The following LRRTM4 variants were observed in gnomAD, a reference collection of about 807,000 sequenced individuals.
The protein encoded by LRRTM4 is leucine-rich repeat transmembrane neuronal protein 4.
In LRRTM4, 25 loss-of-function variants were observed where a neutral mutation model predicts 47.6. The ratio of observed to expected loss-of-function variants is 0.53; its 90% CI spans 0.38 to 0.73. The LOEUF (loss-of-function observed/expected upper bound fraction) is 0.73. Ranked by LOEUF, LRRTM4 falls within the 30% of genes least tolerant of loss-of-function variation. The pLI is 0.00. For synonymous variants in LRRTM4, 311 were observed against 269.5 expected, an observed-to-expected ratio of 1.15 and a Z score of -1.51; for missense variants, 638 against 713.4, an observed-to-expected ratio of 0.89 and a Z score of 1.20.
chr2:77,006,397 G>C (rs911666349), intron 3 of LRRTM4, among the ~76,000 whole-genome samples: 1 of 152,128 alleles, frequency 6.6e-6, no homozygotes, highest in African/African-American at 2.4e-5. Flanking sequence ...GGTGGAAATT[G>C]GTTGAGAAAT....
intron 3 of LRRTM4, among the ~76,000 whole-genome samples, chr2:77,060,630 A>G (rs1024104681): frequency 1.3e-5 from 2 of 152,174 alleles, no homozygotes; most frequent in African/African-American, 4.8e-5. Context: ...ATATTAAGGG[A>G]ATATCTATAT....
intron 3 of LRRTM4, among the ~76,000 whole-genome samples, chr2:77,044,980 G>A (rs558176984): frequency 8.6e-5 from 13 of 151,704 alleles, no homozygotes; most frequent in Non-Finnish European, 1.9e-4. Context: ...TGGGTAGTAG[G>A]AATGCTGTAG....
chr2:77,305,276 C>A (rs1482405835), intron 3 of LRRTM4, among the ~76,000 whole-genome samples: 2 of 151,830 alleles, frequency 1.3e-5, no homozygotes, highest in Admixed American at 6.6e-5. Context: ...GTTATAAACA[C>A]AAATCCTATA....
At chr2:77,153,117 T>C (rs1251877999) in intron 3 of LRRTM4, among the ~76,000 whole-genome samples, 1 of 152,182 alleles carries the variant, frequency 6.6e-6, no homozygotes, top group Non-Finnish European at 1.5e-5. Flanking sequence ...TCCTCTGCTG[T>C]CCATTCTGCA....
At chr2:76,797,934 C>T (rs1446994893) in intron 3 of LRRTM4, among the ~76,000 whole-genome samples, 1 of 150,872 alleles carries the variant, frequency 6.6e-6, no homozygotes, top group Non-Finnish European at 1.5e-5. Context: ...AATATATATG[C>T]ACCCAATACA....
chr2:77,383,231 AC>A (rs1673130764), intron 3 of LRRTM4, among the ~76,000 whole-genome samples: 1 of 152,004 alleles, frequency 6.6e-6, no homozygotes, highest in African/African-American at 2.4e-5. Context: ...TTAATTGTGT[AC>A]CTTTCAGATT....
rs576789183 is a variant in LRRTM4, at chr2:77,323,377, G to A, written c.1551+194941C>T. Among the ~76,000 whole-genome samples the A allele has an allele frequency of 9.2e-5, 14 of 152,244 alleles. No homozygotes were observed. In the South Asian group the frequency reaches 2.9e-3, roughly 32 times the overall value. On this transcript the variant is annotated intron_variant, in intron 3 of 3. Transcript: ENST00000409884. The stretch of plus-strand genomic sequence containing the variant: ...TAAGCTGTTACTGTCAAAGGTTAGA[G>A]TTGGGAGAAAACTTGAATGCTGAGA...
intron 3 of LRRTM4, among the ~76,000 whole-genome samples, chr2:77,286,463 T>C (rs953432217): frequency 5.9e-5 from 9 of 152,018 alleles, no homozygotes; most frequent in South Asian, 2.1e-4. Context: ...AAAACTAGCC[T>C]AGCTGATTAA....
At chr2:76,969,748 T>C (rs573587671) in intron 3 of LRRTM4, among the ~76,000 whole-genome samples, 264 of 152,122 alleles carry the variant, frequency 1.7e-3, no homozygotes, top group Non-Finnish European at 3.1e-3. Flanking sequence ...TCTCAAAATA[T>C]ATCACGTACT....
At chr2:76,838,421 AGG>A in intron 3 of LRRTM4, among the ~76,000 whole-genome samples, 1 of 152,122 alleles carries the variant, frequency 6.6e-6, no homozygotes. Flanking sequence ...ATTGTTGAGT[AGG>A]GACAAATAAT....
chr2:76,819,506 A>G (rs535980124), intron 3 of LRRTM4, among the ~76,000 whole-genome samples: 1 of 151,982 alleles, frequency 6.6e-6, no homozygotes, highest in African/African-American at 2.4e-5. Flanking sequence ...AACAAACCAT[A>G]TCTTAACATG....
chr2:77,384,340 G>A (rs997260003), intron 3 of LRRTM4, among the ~76,000 whole-genome samples: 2 of 151,748 alleles, frequency 1.3e-5, no homozygotes, highest in Non-Finnish European at 2.9e-5. Context: ...GATAAGCTGT[G>A]TGATGTTATC....
intron 3 of LRRTM4, among the ~76,000 whole-genome samples, chr2:76,831,310 G>T (rs926441241): frequency 2.6e-5 from 4 of 152,116 alleles, no homozygotes; most frequent in African/African-American, 9.7e-5. Context: ...TGATATTTCT[G>T]CTCTGTAGCT....
intron 3 of LRRTM4, among the ~76,000 whole-genome samples, chr2:77,101,109 T>C (rs944175432): frequency 2.6e-5 from 4 of 152,086 alleles, no homozygotes; most frequent in African/African-American, 9.6e-5. Flanking sequence ...TGCTGGGACG[T>C]AGTACTGACT....
At chr2:77,505,700 T>A (rs976362930) in intron 3 of LRRTM4, among the ~76,000 whole-genome samples, 3 of 151,624 alleles carry the variant, frequency 2.0e-5, no homozygotes, top group African/African-American at 4.8e-5. Context: ...TGAATGCATA[T>A]AATCAAAATA....
chr2:77,004,872 A>G (rs547491039), intron 3 of LRRTM4, among the ~76,000 whole-genome samples: 1 of 152,186 alleles, frequency 6.6e-6, no homozygotes, highest in Admixed American at 6.5e-5. Flanking sequence ...GATTATTTCC[A>G]AGTTTTAAGA....
At chr2:76,881,930 G>A (rs1448488897) in intron 3 of LRRTM4, among the ~76,000 whole-genome samples, 1 of 152,088 alleles carries the variant, frequency 6.6e-6, no homozygotes, top group Non-Finnish European at 1.5e-5. Context: ...AATACGCTGT[G>A]AATCTCTTTA....
chr2:77,337,574 A>G (rs1429270733), intron 3 of LRRTM4, among the ~76,000 whole-genome samples: 1 of 151,998 alleles, frequency 6.6e-6, no homozygotes, highest in African/African-American at 2.4e-5. Context: ...TGGTGGTTTT[A>G]TAAAGGGCTC....
intron 3 of LRRTM4, among the ~76,000 whole-genome samples, chr2:77,079,918 T>C (rs1277503252): frequency 6.6e-6 from 1 of 152,094 alleles, no homozygotes; most frequent in Non-Finnish European, 1.5e-5. Flanking sequence ...ATACATTTTA[T>C]GATAGAAATA....
Sources: gnomAD v4.1 joint callset for allele counts (sites outside exome capture counted in the v4.1 genomes callset) on GRCh38, gnomAD v4.1.1 for gene constraint, MANE v1.5 for transcripts, NCBI Gene and HGNC (gene_info 2026-07-23, HGNC 2026-07-21) for gene names.